Variants in DTNA observed in about 807,000 individuals in gnomAD.
DTNA encodes dystrobrevin alpha.
A neutral mutation model predicts 100.7 loss-of-function variants in DTNA; 43 were observed. The observed-to-expected ratio is 0.43, with a 90% CI of 0.33 to 0.55. The LOEUF is 0.55. Ranked by LOEUF, DTNA falls within the 20% of genes least tolerant of loss-of-function variation. The pLI, the probability that DTNA is intolerant of heterozygous loss-of-function variation, is 0.04. For synonymous variants in DTNA, 349 were observed against 347.9 expected, an observed-to-expected ratio of 1.00 and a Z score of -0.04; for missense variants, 798 against 953.9, an observed-to-expected ratio of 0.84 and a Z score of 2.15.
intron 9 of DTNA, among the ~76,000 whole-genome samples, chr18:34,826,628 G>T (rs746327276): frequency 3.3e-5 from 5 of 152,062 alleles, no homozygotes; most frequent in African/African-American, 1.2e-4. Flanking sequence ...TCTTCAAAAC[G>T]TTCTATACTG....
intron 1 of DTNA, among the ~76,000 whole-genome samples, chr18:34,721,739 A>G (rs2085364163): frequency 6.6e-6 from 1 of 152,238 alleles, no homozygotes; most frequent in African/African-American, 2.4e-5. Context: ...TATCTTGCCT[A>G]TGAAATTCCC....
intron 1 of DTNA, among the ~76,000 whole-genome samples, chr18:34,556,660 G>T (rs1332996065): frequency 6.6e-6 from 1 of 151,940 alleles, no homozygotes; most frequent in Non-Finnish European, 1.5e-5. Flanking sequence ...GAAATTCTGG[G>T]TTGAAAATTC....
At chr18:34,524,704 C>T (rs963162872) in intron 1 of DTNA, among the ~76,000 whole-genome samples, 18 of 152,030 alleles carry the variant, frequency 1.2e-4, no homozygotes, top group East Asian at 1.9e-4. Context: ...TGTTGTCACA[C>T]GCTTGCAGAG....
chr18:34,810,488 CTG>C (rs2095463676), intron 5 of DTNA, among the ~76,000 whole-genome samples: 2 of 148,740 alleles, frequency 1.3e-5, no homozygotes, highest in East Asian at 2.0e-4. Context: ...AAAAAAAAAA[CTG>C]AACTCATGGA....
intron 1 of DTNA, among the ~76,000 whole-genome samples, chr18:34,712,052 T>A (rs1476851730): frequency 6.6e-6 from 1 of 152,104 alleles, no homozygotes; most frequent in Non-Finnish European, 1.5e-5. Flanking sequence ...AGATGGTACC[T>A]GGTAAACTAT....
At chr18:34,732,577 G>A (rs1388086867) in intron 1 of DTNA, among the ~76,000 whole-genome samples, 2 of 152,192 alleles carry the variant, frequency 1.3e-5, no homozygotes, top group East Asian at 3.8e-4. Flanking sequence ...CGTTTTAGAA[G>A]CTTGGCTCAG....
At chr18:34,801,919 A>G (rs890921698) in intron 4 of DTNA, among the ~76,000 whole-genome samples, 7 of 152,240 alleles carry the variant, frequency 4.6e-5, no homozygotes, top group African/African-American at 1.7e-4. Flanking sequence ...ATTCACAAAG[A>G]AAGACTTACA....
intron 1 of DTNA, among the ~76,000 whole-genome samples, chr18:34,631,765 A>C (rs1173896275): frequency 6.6e-6 from 1 of 152,118 alleles, no homozygotes; most frequent in Admixed American, 6.6e-5. Flanking sequence ...GTCTGTTTAC[A>C]CTCCTACCCT....
rs547778775 is a variant in DTNA, at chr18:34,585,817, G to A, written c.-2+92303G>A. On this transcript the variant is annotated intron_variant, in intron 1 of 19. Coordinates refer to the DTNA transcript ENST00000283365. ...AGATGGTTGCCTCTGGGCTTCAAAGGTATAGAGAGGTGGGTGGGACATTCT... is the reference window on the plus strand; with the variant it reads ...AGATGGTTGCCTCTGGGCTTCAAAGATATAGAGAGGTGGGTGGGACATTCT... Among the ~76,000 whole-genome samples the A allele has an allele frequency of 5.3e-5, 8 of 152,310 alleles. No individual in the cohort carries two copies. The South Asian group carries it at 1.5e-3, about 28-fold the overall frequency.
intron 1 of DTNA, among the ~76,000 whole-genome samples, chr18:34,499,523 G>T (rs143322295): frequency 2.6e-5 from 4 of 152,210 alleles, no homozygotes; most frequent in Non-Finnish European, 5.9e-5. Context: ...GAAGTTACAC[G>T]TTTACTTTTA....
chr18:34,841,442 C>T (rs1232124296), intron 13 of DTNA, among the ~76,000 whole-genome samples: 1 of 152,064 alleles, frequency 6.6e-6, no homozygotes, highest in Non-Finnish European at 1.5e-5. Flanking sequence ...GTATGTAGTT[C>T]CTTGAGTTGT....
rs11876066 is a variant in DTNA at position 34,845,565 on chromosome 18, G to A, written c.1347-2731G>A. Among the ~76,000 whole-genome samples, 1,327 of 152,202 alleles carry A rather than the reference G, an allele frequency of 8.7e-3. 12 individuals carry two copies. Among genetic ancestry groups the A allele is most frequent in the African/African-American group, 0.031 (1,288 of 41,520 alleles). The stretch of plus-strand genomic sequence containing the variant: ...TGGGCCTGGAGCAATGGGGTTATCC[G>A]CAAAACACTGTGTTGAATTAGATGT... On this transcript the variant is annotated intron_variant, in intron 13 of 22. Transcript: ENST00000444659.
Position 34,747,081 on chromosome 18 carries a change from CATATCT to C in DTNA, c.-1-8882_-1-8877del, listed in dbSNP as rs573899093. 3.3e-4 allele frequency among the ~76,000 whole-genome samples: 46 copies of C among 139,480 alleles called. 1 individual carries two copies. The highest frequency in any genetic ancestry group is 1.2e-3 in the African/African-American group (45 of 36,320). 91.5% of individuals were successfully genotyped at this position (139,480 alleles called of 152,430 possible). A position where few individuals can be genotyped will look rare whatever the true frequency, so the allele number is the denominator to read the frequency against. On this transcript the variant is annotated intron_variant, in intron 1 of 22. Transcript: ENST00000444659. ...CTTAAAGTTTGCCTCATTAGATACC[CATATCT>C]ATATCTATATCTGTATCTATATATA...
chr18:34,695,075 A>G (rs1454627888), intron 1 of DTNA, among the ~76,000 whole-genome samples: 1 of 152,148 alleles, frequency 6.6e-6, no homozygotes, highest in Non-Finnish European at 1.5e-5. Context: ...CATTAAGTAC[A>G]ATGGTAAAAT....
chr18:34,841,380 T>C (rs2096265521), intron 13 of DTNA, among the ~76,000 whole-genome samples: 1 of 152,146 alleles, frequency 6.6e-6, no homozygotes, highest in African/African-American at 2.4e-5. Flanking sequence ...AGCAAATATT[T>C]TGAGCACATA....
chr18:34,617,685 T>G (rs1308133654), intron 1 of DTNA, among the ~76,000 whole-genome samples: 1 of 152,196 alleles, frequency 6.6e-6, no homozygotes, highest in South Asian at 2.1e-4. Context: ...CTGGAATAGT[T>G]TCAGTAATAA....
rs75189664 is a variant in DTNA at position 34,816,513 on chromosome 18, G to A, written c.709+499G>A. ...TAAAGATAAGAGTAAAATAACTTTC[G>A]TATCATGTCTTTTTTTAAAGCAAGT... On this transcript the variant is annotated intron_variant, in intron 7 of 22. Coordinates refer to ENST00000444659, the MANE Select transcript of DTNA (RefSeq NM_001386795.1). 1.5e-3 allele frequency among the ~76,000 whole-genome samples: 221 copies of A among 152,196 alleles called. 1 individual carries two copies. Among genetic ancestry groups the A allele is most frequent in the African/African-American group, 5.0e-3 (206 of 41,528 alleles).
intron 15 of DTNA, among the ~76,000 whole-genome samples, chr18:34,856,003 G>A (rs1254886762): frequency 6.6e-6 from 1 of 152,096 alleles, no homozygotes; most frequent in Non-Finnish European, 1.5e-5. Flanking sequence ...CAACAACCCT[G>A]GCCATGCCTT....
intron 1 of DTNA, among the ~76,000 whole-genome samples, chr18:34,498,081 G>A (rs991969320): frequency 6.6e-6 from 1 of 151,900 alleles, no homozygotes; most frequent in Non-Finnish European, 1.5e-5. Context: ...AGGAGTTCGA[G>A]ACCAGCCTGG....
Sources: gnomAD v4.1 joint callset for allele counts (sites outside exome capture counted in the v4.1 genomes callset) on GRCh38, gnomAD v4.1.1 for gene constraint, MANE v1.5 for transcripts, NCBI Gene and HGNC (gene_info 2026-07-23, HGNC 2026-07-21) for gene names.